The following PTPRD variants were observed in gnomAD, a reference collection of about 807,000 sequenced individuals.
The protein encoded by PTPRD is protein tyrosine phosphatase receptor type D.
In PTPRD, 34 loss-of-function variants were observed where a neutral mutation model predicts 214.5. The observed-to-expected ratio is 0.16, with a 90% confidence interval of 0.12 to 0.21. The LOEUF (loss-of-function observed/expected upper bound fraction) is 0.21, where lower values mean the gene tolerates loss of function less well. Among genes scored for constraint, PTPRD ranks in the 10% least tolerant of loss-of-function variants. PTPRD has a pLI of 1.00. For synonymous variants in PTPRD, 1,128 were observed against 845.7 expected (o/e 1.33, Z -5.79); for missense variants, 2,545 against 2,398.7 (o/e 1.06, Z -1.27).
intron 8 of PTPRD, among the ~76,000 whole-genome samples, chr9:9,483,194 T>G (rs539892612): frequency 1.3e-5 from 2 of 152,308 alleles, no homozygotes; most frequent in East Asian, 3.9e-4. Context: ...AAAGACTCAG[T>G]GGAGACAGAC....
intron 11 of PTPRD, among the ~76,000 whole-genome samples, chr9:8,896,389 T>C (rs1293970079): frequency 6.6e-6 from 1 of 152,184 alleles, no homozygotes; most frequent in Non-Finnish European, 1.5e-5. Context: ...ACTTGTGGTT[T>C]GTTCATTTGC....
intron 8 of PTPRD, among the ~76,000 whole-genome samples, chr9:9,422,890 C>G (rs2079333580): frequency 6.6e-6 from 1 of 152,040 alleles, no homozygotes; most frequent in Non-Finnish European, 1.5e-5. Context: ...ACTGGAGCTG[C>G]TGGCACCTTT....
At chr9:9,972,057 G>A (rs528524943) in intron 4 of PTPRD, among the ~76,000 whole-genome samples, 1 of 152,054 alleles carries the variant, frequency 6.6e-6, no homozygotes, top group East Asian at 1.9e-4. Context: ...ACTTTTCCCA[G>A]TAATACAAGC....
At chr9:8,348,686 T>C (rs2074544906) in intron 39 of PTPRD, among the ~76,000 whole-genome samples, 1 of 152,168 alleles carries the variant, frequency 6.6e-6, no homozygotes. Context: ...ACAAGATTCT[T>C]GGCTGTTCCT....
rs1446928744 is a variant in PTPRD at position 8,339,035 on chromosome 9, G to T, written c.5266C>A (p.Gln1756Lys). The change falls in exon 43 of 46, where the codon CAA becomes AAA. Residue 1756 changes from glutamine to lysine, a missense_variant. Coordinates refer to ENST00000381196, the MANE Select transcript of PTPRD (RefSeq NM_002839.4). Reference protein sequence around the residue: ...LREMGREKCHQYWPAERSARY... With the variant: ...LREMGREKCHKYWPAERSARY... ...GCAGACCGTTCTGCTGGCCAGTATT[G>T]GTGACATTTCTCCTAAAAGGAGAGA... 4 of 1,611,248 alleles carry T rather than the reference G, an allele frequency of 2.5e-6. No individual in the cohort carries two copies. Among genetic ancestry groups the T allele is most frequent in the African/African-American group, 1.3e-5 (1 of 74,776 alleles).
intron 33 of PTPRD, among the ~76,000 whole-genome samples, chr9:8,451,411 T>C (rs1290018076): frequency 6.6e-6 from 1 of 152,024 alleles, no homozygotes; most frequent in Non-Finnish European, 1.5e-5. Context: ...GCTCCAGTTC[T>C]ATGGAGTAGA....
chr9:9,933,216 C>T (rs531858169), intron 5 of PTPRD, among the ~76,000 whole-genome samples: 6 of 152,334 alleles, frequency 3.9e-5, no homozygotes, highest in African/African-American at 1.4e-4. Context: ...GGATCAAATT[C>T]ACACATAACA....
At chr9:10,262,199 T>C (rs1336111230) in intron 3 of PTPRD, among the ~76,000 whole-genome samples, 1 of 151,812 alleles carries the variant, frequency 6.6e-6, no homozygotes, top group African/African-American at 2.4e-5. Flanking sequence ...AAAAATTAAT[T>C]TGTGCTTTTC....
intron 11 of PTPRD, among the ~76,000 whole-genome samples, chr9:8,740,617 TA>T (rs2091674164): frequency 6.6e-6 from 1 of 152,118 alleles, no homozygotes; most frequent in African/African-American, 2.4e-5. Flanking sequence ...TAGTCAAACC[TA>T]AAAATATAAG....
intron 2 of PTPRD, among the ~76,000 whole-genome samples, chr9:10,361,307 T>C (rs2097384848): frequency 6.6e-6 from 1 of 152,148 alleles, no homozygotes; most frequent in Non-Finnish European, 1.5e-5. Flanking sequence ...TGTATACTCA[T>C]AAGAGAAAAG....
At chr9:9,899,381 C>T (rs2075834599) in intron 5 of PTPRD, among the ~76,000 whole-genome samples, 1 of 151,880 alleles carries the variant, frequency 6.6e-6, no homozygotes, top group African/African-American at 2.4e-5. Flanking sequence ...ATTTATTTAA[C>T]AATGGGCAAA....
At chr9:9,842,659 C>G (rs1322075161) in intron 5 of PTPRD, among the ~76,000 whole-genome samples, 1 of 150,814 alleles carries the variant, frequency 6.6e-6, no homozygotes, top group Non-Finnish European at 1.5e-5. Context: ...AATCAACTAT[C>G]TAAAAAAGTT....
chr9:9,558,232 C>T (rs537625683), intron 8 of PTPRD, among the ~76,000 whole-genome samples: 1 of 152,170 alleles, frequency 6.6e-6, no homozygotes, highest in Non-Finnish European at 1.5e-5. Flanking sequence ...GGCAGTTGTA[C>T]CTTTTACAGA....
chr9:9,939,432 C>T (rs190485785), intron 4 of PTPRD, among the ~76,000 whole-genome samples: 22 of 152,260 alleles, frequency 1.4e-4, no homozygotes, highest in Non-Finnish European at 2.9e-4. Context: ...ATGTCTGCCT[C>T]CCCAAGATTT....
At chr9:8,936,365 G>A (rs529924022) in intron 11 of PTPRD, among the ~76,000 whole-genome samples, 14 of 132,234 alleles carry the variant, frequency 1.1e-4, no homozygotes, top group South Asian at 9.8e-4. Context: ...CAGAGGTTGC[G>A]GCAGTGAGCC....
At chr9:9,866,590 A>C (rs2064014842) in intron 5 of PTPRD, among the ~76,000 whole-genome samples, 1 of 152,182 alleles carries the variant, frequency 6.6e-6, no homozygotes, top group Admixed American at 6.5e-5. Context: ...GGGGAATAAT[A>C]GTGAAAATAA....
rs117003997 is a variant in PTPRD, at chr9:8,780,930, C to G, written c.-103-46984G>C. Among the ~76,000 whole-genome samples the G allele has an allele frequency of 1.1e-3, 163 of 152,300 alleles. 4 individuals are homozygous for G. In the East Asian group the frequency reaches 0.029, roughly 27 times the overall value. On this transcript the variant is annotated intron_variant, in intron 11 of 45. Coordinates refer to ENST00000381196, the MANE Select transcript of PTPRD (RefSeq NM_002839.4). ...TGCACATCACAGATTTGCTATTGATCAGCTGTGGTCAGATATTGTAAGTAT... is the reference window on the plus strand; with the variant it reads ...TGCACATCACAGATTTGCTATTGATGAGCTGTGGTCAGATATTGTAAGTAT...
chr9:9,218,995 ATAC>A (rs1316819019), intron 9 of PTPRD, among the ~76,000 whole-genome samples: 3 of 152,144 alleles, frequency 2.0e-5, no homozygotes, highest in African/African-American at 7.2e-5. Flanking sequence ...ATCAATGAAT[ATAC>A]TACAAGGAAA....
chr9:8,937,094 C>T (rs202207345), intron 11 of PTPRD, among the ~76,000 whole-genome samples: 2 of 146,994 alleles, frequency 1.4e-5, no homozygotes, highest in South Asian at 4.4e-4. Flanking sequence ...AGTTTTTTTA[C>T]CGCATCATAA....
Sources: allele counts gnomAD v4.1 joint callset (sites outside exome capture counted in the v4.1 genomes callset), GRCh38; gene constraint gnomAD v4.1.1; transcripts MANE v1.5; gene names NCBI Gene and HGNC (gene_info 2026-07-23, HGNC 2026-07-21).